Variants in ERCC6L2 observed in about 807,000 individuals in gnomAD.
The protein encoded by ERCC6L2 is DNA excision repair protein ERCC-6-like 2.
ERCC6L2 carries 77 observed loss-of-function variants against 132.0 expected under a neutral mutation model. The ratio of observed to expected loss-of-function variants is 0.58; its 90% CI spans 0.49 to 0.71. The LOEUF is 0.71. ERCC6L2 is among the 30% of genes least tolerant of loss of function. The probability of loss-of-function intolerance (pLI) is 0.00; values close to 1 mark genes in which losing one functional copy is unlikely to be tolerated. For synonymous variants in ERCC6L2, 583 were observed against 632.4 expected, an observed-to-expected ratio of 0.92 and a Z score of 1.17; for missense variants, 1,542 against 1,837.6, an observed-to-expected ratio of 0.84 and a Z score of 2.94.
intron 3 of ERCC6L2, among the ~76,000 whole-genome samples, chr9:95,900,608 T>C (rs1288367216): frequency 6.6e-6 from 1 of 152,188 alleles, no homozygotes; most frequent in Non-Finnish European, 1.5e-5. Context: ...ATTCTAGTTT[T>C]GTTGCATCAG....
intron 17 of ERCC6L2, among the ~76,000 whole-genome samples, chr9:96,002,682 C>T (rs1280644851): frequency 6.6e-6 from 1 of 152,172 alleles, no homozygotes; most frequent in Non-Finnish European, 1.5e-5. Flanking sequence ...AATCTGCCTA[C>T]CTCAGCCTCC....
At chr9:95,941,618 A>G in intron 12 of ERCC6L2, 69 bp downstream of exon 12, 3 of 1,182,880 alleles carry the variant, frequency 2.5e-6, no homozygotes, top group Non-Finnish European at 3.7e-6. Context: ...TGAACTTTTA[A>G]GGTTGCTTAT....
chr9:95,996,430 C>G (rs1833473502), intron 17 of ERCC6L2, among the ~76,000 whole-genome samples: 2 of 152,236 alleles, frequency 1.3e-5, no homozygotes, highest in South Asian at 4.1e-4. Flanking sequence ...TAGCTAAGAT[C>G]ACTGATGAAG....
chr9:96,009,041 G>T (rs931787952), intron 18 of ERCC6L2, among the ~76,000 whole-genome samples: 1 of 152,172 alleles, frequency 6.6e-6, no homozygotes, highest in African/African-American at 2.4e-5. Context: ...TCCAACAATT[G>T]ATCTGTCCAG....
intron 14 of ERCC6L2, chr9:95,967,526 C>T (rs1832211877): frequency 1.3e-5 from 2 of 152,030 alleles, no homozygotes; most frequent in Admixed American, 6.6e-5. Flanking sequence ...CCATCTTGAC[C>T]GGAGGTGGAA....
intron 12 of ERCC6L2, among the ~76,000 whole-genome samples, chr9:95,951,947 A>G (rs1587965257): frequency 6.6e-6 from 1 of 151,966 alleles, no homozygotes; most frequent in African/African-American, 2.4e-5. Flanking sequence ...AGGCAGGCGG[A>G]TCACGAGTTC....
At position 96,016,770 on chromosome 9, in the gene ERCC6L2, A is replaced by G. The variant is rs1180718991; in HGVS notation, c.*3567A>G. ...GCCCTCTTTTTTGAAATGATGGTAG[A>G]TCATACCTTTTGGTCTTTTTCATTG... On this transcript the variant is annotated 3_prime_UTR_variant, in exon 19 of 19. Coordinates refer to ENST00000653738, the MANE Select transcript of ERCC6L2 (RefSeq NM_020207.7). Among the ~76,000 whole-genome samples, 2 of 152,218 alleles carry G rather than the reference A, an allele frequency of 1.3e-5. No individual in the cohort carries two copies. Among genetic ancestry groups the G allele is most frequent in the African/African-American group, 4.8e-5 (2 of 41,452 alleles).
Position 96,012,872 on chromosome 9 carries a change from A to T in ERCC6L2, c.4322A>T (p.Asp1441Val), listed in dbSNP as rs1176270981. 2 of 1,367,678 alleles carry T rather than the reference A, an allele frequency of 1.5e-6. No individual in the cohort carries two copies. The highest frequency in any genetic ancestry group is 2.0e-6 in the Non-Finnish European group (2 of 1,021,848). 84.7% of individuals were successfully genotyped at this position (1,367,678 alleles called of 1,614,324 possible). A position where few individuals can be genotyped will look rare whatever the true frequency, so the allele number is the denominator to read the frequency against. ...ACTTCTGTGATAAGCTTACTTGGTG[A>T]TACCTCTATTCTTGATGACCTTTTT... Reference protein sequence around the residue: ...ENTSVISLLGDTSILDDLFKS... With the variant: ...ENTSVISLLGVTSILDDLFKS... The change falls in exon 19 of 19, where the codon GAT (aspartate) becomes GTT (valine). Residue 1441 changes from aspartate (D) to valine (V), a missense_variant. Physicochemically the swap from Asp to Val is radical, Grantham distance 152. Coordinates refer to ENST00000653738, the MANE Select transcript of ERCC6L2 (RefSeq NM_020207.7).
intron 11 of ERCC6L2, among the ~76,000 whole-genome samples, chr9:95,936,526 G>C (rs879653926): frequency 6.6e-5 from 10 of 152,124 alleles, no homozygotes; most frequent in Non-Finnish European, 1.3e-4. Flanking sequence ...CTGTGTTAAG[G>C]CCATATGGAT....
chr9:95,877,241 A>C (rs1240962586), intron 1 of ERCC6L2: 1 of 152,188 alleles, frequency 6.6e-6, no homozygotes, highest in South Asian at 2.1e-4. Context: ...TTGGATACTG[A>C]GAGATTCCAT....
intron 19 of ERCC6L2, among the ~76,000 whole-genome samples, chr9:96,035,832 G>A (rs1299695122): frequency 6.6e-6 from 1 of 152,198 alleles, no homozygotes; most frequent in East Asian, 1.9e-4. Context: ...TAGGAGATGG[G>A]TTGAGGAGGT....
intron 16 of ERCC6L2, among the ~76,000 whole-genome samples, chr9:95,975,532 G>A (rs1416927407): frequency 1.1e-5 from 1 of 89,648 alleles, no homozygotes; most frequent in Non-Finnish European, 2.1e-5. Flanking sequence ...TTTCATTGTT[G>A]TCCAATAATT....
At chr9:95,941,590 T>C (rs1830802128) in intron 12 of ERCC6L2, 41 bp downstream of exon 12, 2 of 1,407,820 alleles carry the variant, frequency 1.4e-6, no homozygotes, top group Middle Eastern at 1.8e-4. Context: ...GCAAATACTT[T>C]TAATCTAAAA....
chr9:95,926,703 TA>T (rs1830117007), intron 9 of ERCC6L2, among the ~76,000 whole-genome samples: 1 of 152,132 alleles, frequency 6.6e-6, no homozygotes, highest in Non-Finnish European at 1.5e-5. Flanking sequence ...TAATGGTAGA[TA>T]CATGTCATGA....
At chr9:95,884,329 C>A (rs893532199) in intron 2 of ERCC6L2, among the ~76,000 whole-genome samples, 2 of 152,066 alleles carry the variant, frequency 1.3e-5, no homozygotes, top group Admixed American at 6.5e-5. Context: ...GGTAGAGCTT[C>A]TATAGATAGA....
rs1834195986 is a variant in ERCC6L2, at chr9:96,016,964, C to T, written c.*3761C>T. Reference sequence around the variant, plus strand: ...AAGGATTTTTATGTCACAAATCCAGCTAACAGTGGATCTAGGATCTAGGCC... The same window carrying T: ...AAGGATTTTTATGTCACAAATCCAGTTAACAGTGGATCTAGGATCTAGGCC... On this transcript the variant is annotated 3_prime_UTR_variant, in exon 19 of 19. Transcript: ENST00000653738. Among the ~76,000 whole-genome samples the T allele has an allele frequency of 6.6e-6, 1 of 152,146 alleles. No homozygotes were observed. The highest frequency in any genetic ancestry group is 2.4e-5 in the African/African-American group (1 of 41,408).
chr9:95,938,318 A>G (rs1331467674), intron 11 of ERCC6L2, among the ~76,000 whole-genome samples: 1 of 151,926 alleles, frequency 6.6e-6, no homozygotes, highest in East Asian at 1.9e-4. Flanking sequence ...AGGAAAAAAA[A>G]GTGTGTGTGG....
chr9:95,876,932 A>T (rs904811977), intron 1 of ERCC6L2: 5 of 152,188 alleles, frequency 3.3e-5, no homozygotes, highest in African/African-American at 1.2e-4. Flanking sequence ...TGCCGAGTGG[A>T]TATTGTGACT....
At chr9:95,940,893 T>G (rs1204145575) in intron 11 of ERCC6L2, among the ~76,000 whole-genome samples, 5 of 152,160 alleles carry the variant, frequency 3.3e-5, no homozygotes, top group Non-Finnish European at 5.9e-5. Flanking sequence ...GGAAAAGCCA[T>G]GGAAGCTTTC....
Sources: gnomAD v4.1 joint callset for allele counts (sites outside exome capture counted in the v4.1 genomes callset) on GRCh38, gnomAD v4.1.1 for gene constraint, MANE v1.5 for transcripts, NCBI Gene and HGNC (gene_info 2026-07-23, HGNC 2026-07-21) for gene names.